Variants in KCNK12 observed in about 807,000 individuals in gnomAD.
KCNK12 encodes potassium two pore domain channel subfamily K member 12, also known as potassium channel subfamily K member 12.
A neutral mutation model predicts 25.3 loss-of-function variants in KCNK12; 6 were observed. The ratio of observed to expected loss-of-function variants is 0.24; its 90% CI spans 0.13 to 0.47. KCNK12 has a LOEUF of 0.47. KCNK12 is among the 20% of genes least tolerant of loss of function. The pLI is 0.99. For missense variants in KCNK12, 444 were observed against 661.7 expected, an observed-to-expected ratio of 0.67 and a Z score of 3.61; for synonymous variants, 331 against 311.1, an observed-to-expected ratio of 1.06 and a Z score of -0.67.
At chr2:47,539,725 C>T (rs559591524) in intron 1 of KCNK12, among the ~76,000 whole-genome samples, 7 of 152,312 alleles carry the variant, frequency 4.6e-5, no homozygotes, top group Admixed American at 4.6e-4. Flanking sequence ...GGACGCCAGA[C>T]TGCGAAGGGC....
At chr2:47,550,921 C>T (rs547940675) in intron 1 of KCNK12, among the ~76,000 whole-genome samples, 1 of 152,128 alleles carries the variant, frequency 6.6e-6, no homozygotes, top group Non-Finnish European at 1.5e-5. Flanking sequence ...ATATTTCCCC[C>T]GTACAGTTTT....
At chr2:47,526,689 C>T (rs187672465) in intron 1 of KCNK12, among the ~76,000 whole-genome samples, 9 of 152,196 alleles carry the variant, frequency 5.9e-5, no homozygotes, top group East Asian at 1.9e-4. Flanking sequence ...GCCAAGATCG[C>T]GCCACTGCCT....
intron 1 of KCNK12, among the ~76,000 whole-genome samples, chr2:47,541,939 A>C (rs138700683): frequency 2.9e-3 from 447 of 152,314 alleles, no homozygotes; most frequent in African/African-American, 0.01. Flanking sequence ...TGGCTGCAGA[A>C]GCCCCACGTG....
intron 1 of KCNK12, among the ~76,000 whole-genome samples, chr2:47,539,339 C>G (rs535252558): frequency 6.6e-6 from 1 of 152,304 alleles, no homozygotes; most frequent in South Asian, 2.1e-4. Flanking sequence ...TTTATATGCT[C>G]TCAATCAAGG....
intron 1 of KCNK12, chr2:47,563,214 C>G (rs1669719206): frequency 4.3e-6 from 1 of 233,460 alleles, no homozygotes; most frequent in South Asian, 1.8e-4. Context: ...CTCAGCCTGC[C>G]TTCTGCTCCT....
At chr2:47,550,634 C>T (rs1398366061) in intron 1 of KCNK12, among the ~76,000 whole-genome samples, 7 of 152,012 alleles carry the variant, frequency 4.6e-5, no homozygotes, top group South Asian at 2.1e-4. Flanking sequence ...CCACCCGCCT[C>T]GGCCTCCCAA....
chr2:47,563,736 G>A (rs975838533), intron 1 of KCNK12: 1 of 232,936 alleles, frequency 4.3e-6, no homozygotes, highest in Non-Finnish European at 8.5e-6. Flanking sequence ...GGCTTTTGTT[G>A]ACAAAATGGT....
rs1168175693 is a variant in KCNK12, at chr2:47,518,099, A to C, written c.*2808T>G. On this transcript the variant is annotated 3_prime_UTR_variant, in exon 2 of 2. Coordinates refer to ENST00000327876, the MANE Select transcript of KCNK12 (RefSeq NM_022055.2). The surrounding 1 kb of genome is among the most constrained non-coding windows in gnomAD (Gnocchi z 4.1). Reference sequence around the variant, plus strand: ...TGCACCAAAGAAAGGCATCCCTATCAATGTCACTGTTCCTGAAATGATGGG... The same window carrying C: ...TGCACCAAAGAAAGGCATCCCTATCCATGTCACTGTTCCTGAAATGATGGG... 1 of 152,172 alleles carries C rather than the reference A, an allele frequency of 6.6e-6. No individual in the cohort carries two copies. The highest frequency in any genetic ancestry group is 1.5e-5 in the Non-Finnish European group (1 of 68,038). The allele number at this position is 152,172 out of a possible 1,614,324, so 9.4% of individuals were successfully genotyped here.
In KCNK12 at chr2:47,562,288, A is replaced by C. The variant is rs1338615519; in HGVS notation, c.391+7653T>G. ...TAACATCTGTTGCTGTTGAGTATAA[A>C]GACACTGTGAACATTGTAAAATCTG... On this transcript the variant is annotated intron_variant, in intron 1 of 1. Coordinates refer to ENST00000327876, the MANE Select transcript of KCNK12 (RefSeq NM_022055.2). The surrounding 1 kb of genome is among the most constrained non-coding windows in gnomAD (Gnocchi z 4.8). The C allele has an allele frequency of 7.6e-6, 3 of 395,614 alleles. No homozygotes were observed. Among genetic ancestry groups the C allele is most frequent in the African/African-American group, 6.2e-5 (3 of 48,572 alleles). 24.5% of individuals were successfully genotyped at this position (395,614 alleles called of 1,614,324 possible). A position where few individuals can be genotyped will look rare whatever the true frequency, so the allele number is the denominator to read the frequency against.
chr2:47,546,967 T>C lies in KCNK12; in HGVS notation c.391+22974A>G, dbSNP rs529463675. Reference sequence around the variant, plus strand: ...CTGCCCTGAAGAACCCTGGAGAGACTTGGGTGTGGGAAAGGCCATATAGAT... The same window carrying C: ...CTGCCCTGAAGAACCCTGGAGAGACCTGGGTGTGGGAAAGGCCATATAGAT... On this transcript the variant is annotated intron_variant, in intron 1 of 1. Transcript: ENST00000327876. 2.6e-5 allele frequency among the ~76,000 whole-genome samples: 4 copies of C among 152,204 alleles called. No homozygotes were observed. The South Asian group carries it at 6.2e-4, about 24-fold the overall frequency.
chr2:47,521,669 G>T lies in KCNK12; in HGVS notation c.531C>A (p.Arg177=). The change falls in exon 2 of 2, where the codon CGC becomes CGA. Residue 177 remains arginine (R), a synonymous_variant. Coordinates refer to ENST00000327876, the MANE Select transcript of KCNK12 (RefSeq NM_022055.2). The stretch of plus-strand genomic sequence containing the variant: ...GGCGCAGCTGGCGCTCCCGGCAGGC[G>T]CGCATGATGAAGGCCAGCAGCGAGA... ...RIISLLAFIM[R]ACRERQLRRS... 8 of 1,598,984 alleles carry T rather than the reference G, an allele frequency of 5.0e-6. No individual in the cohort carries two copies. The highest frequency in any genetic ancestry group is 6.8e-6 in the Non-Finnish European group (8 of 1,174,802).
rs1171538746 is a variant in KCNK12 at position 47,560,807 on chromosome 2, A to T, written c.391+9134T>A. Among the ~76,000 whole-genome samples, 2 of 152,168 alleles carry T rather than the reference A, an allele frequency of 1.3e-5. No homozygotes were observed. The highest frequency in any genetic ancestry group is 4.8e-5 in the African/African-American group (2 of 41,448). On this transcript the variant is annotated intron_variant, in intron 1 of 1. Coordinates refer to ENST00000327876, the MANE Select transcript of KCNK12 (RefSeq NM_022055.2). The surrounding 1 kb of genome is among the most constrained non-coding windows in gnomAD (Gnocchi z 4.7). ...GCCTCAGTTATCCCCCTCACTCCCC[A>T]GAACAAAGGCATTGGCTGCTGGCAT...
rs1181808785 is a variant in KCNK12 at position 47,555,229 on chromosome 2, C to T, written c.391+14712G>A. On this transcript the variant is annotated intron_variant, in intron 1 of 1. Coordinates refer to ENST00000327876, the MANE Select transcript of KCNK12 (RefSeq NM_022055.2). The surrounding 1 kb of genome is among the most constrained non-coding windows in gnomAD (Gnocchi z 4.5). ...TAAAGCCAAAGGGTGTGAGGGGGAT[C>T]AGAGTATGCCATCCCCAAATATGTC... Among the ~76,000 whole-genome samples the T allele has an allele frequency of 6.6e-6, 1 of 152,196 alleles. No individual in the cohort carries two copies. The highest frequency in any genetic ancestry group is 1.5e-5 in the Non-Finnish European group (1 of 68,036).
chr2:47,536,652 A>G (rs1669075379), intron 1 of KCNK12, among the ~76,000 whole-genome samples: 3 of 152,242 alleles, frequency 2.0e-5, no homozygotes, highest in Admixed American at 2.0e-4. Context: ...GCTCACTGCA[A>G]TGAGGAAGCT....
Position 47,515,652 on chromosome 2 carries a change from G to A in KCNK12, c.*5255C>T, listed in dbSNP as rs540198911. Among the ~76,000 whole-genome samples, 150 of 152,254 alleles carry A rather than the reference G, an allele frequency of 9.9e-4. 1 individual carries two copies. The highest frequency in any genetic ancestry group is 3.4e-3 in the African/African-American group (141 of 41,536). On this transcript the variant is annotated 3_prime_UTR_variant, in exon 2 of 2. Coordinates refer to ENST00000327876, the MANE Select transcript of KCNK12 (RefSeq NM_022055.2). Reference sequence around the variant, plus strand: ...GAGCCCAGGGGAGTGGGGAGTGATCGTATAGACAGAGGTGGGTGGGGCCAG... The same window carrying A: ...GAGCCCAGGGGAGTGGGGAGTGATCATATAGACAGAGGTGGGTGGGGCCAG...
chr2:47,534,524 C>CCG (rs1553378776), intron 1 of KCNK12, among the ~76,000 whole-genome samples: 1 of 127,736 alleles, frequency 7.8e-6, no homozygotes, highest in African/African-American at 2.9e-5. Flanking sequence ...AACCCCCCCC[C>CCG]CCGCCCCCAC....
intron 1 of KCNK12, chr2:47,563,630 G>T: frequency 4.3e-6 from 1 of 233,030 alleles, no homozygotes; most frequent in Non-Finnish European, 8.5e-6. Flanking sequence ...TTCAGGGAGC[G>T]GGCGGCAACT....
At chr2:47,532,925 C>T (rs960353513) in intron 1 of KCNK12, among the ~76,000 whole-genome samples, 2 of 152,244 alleles carry the variant, frequency 1.3e-5, no homozygotes, top group Non-Finnish European at 2.9e-5. Flanking sequence ...GGCGCCTCCA[C>T]CTGCTAAGGA....
In KCNK12 at chr2:47,569,765, A is replaced by AGG. The variant is rs772489448; in HGVS notation, c.391+174_391+175dup. On this transcript the variant is annotated intron_variant, in intron 1 of 1. Transcript: ENST00000327876. The surrounding 1 kb of genome is among the most constrained non-coding windows in gnomAD (Gnocchi z 4.1). ...CTTTCTTCCCTCACTGAAAGCCGGG[A>AGG]GGGAGAGAGAGAGAGAGAACGGGGG... is the stretch of plus-strand genomic sequence containing the variant. 6.6e-6 allele frequency among the ~76,000 whole-genome samples: 1 copy of AGG among 152,026 alleles called. No homozygotes were observed. Among genetic ancestry groups the AGG allele is most frequent in the Non-Finnish European group, 1.5e-5 (1 of 67,988 alleles).
Sources: gnomAD v4.1 joint callset for allele counts (sites outside exome capture counted in the v4.1 genomes callset) on GRCh38, gnomAD v4.1.1 for gene constraint, Gnocchi (gnomAD v3.1) non-coding constraint, MANE v1.5 for transcripts, NCBI Gene and HGNC (gene_info 2026-07-23, HGNC 2026-07-21) for gene names.